The following ASIC2 variants were observed in gnomAD, a reference collection of about 807,000 sequenced individuals.
ASIC2 encodes acid sensing ion channel subunit 2.
A neutral mutation model predicts 57.3 loss-of-function variants in ASIC2; 25 were observed. The ratio of observed to expected loss-of-function variants is 0.44; its 90% confidence interval spans 0.32 to 0.61. ASIC2 has a LOEUF of 0.61. Ranked by LOEUF, ASIC2 falls within the 20% of genes least tolerant of loss-of-function variation. ASIC2 has a pLI of 0.06. For missense variants in ASIC2, 641 were observed against 738.1 expected (o/e 0.87, Z 1.52); for synonymous variants, 319 against 307.5 (o/e 1.04, Z -0.39).
intron 1 of ASIC2, among the ~76,000 whole-genome samples, chr17:33,117,360 G>C (rs1015260195): frequency 2.0e-5 from 3 of 151,706 alleles, no homozygotes; most frequent in African/African-American, 7.3e-5. Flanking sequence ...ATTTTTAGTA[G>C]AGACAAGGTT....
chr17:33,546,923 G>C (rs1201245424), intron 1 of ASIC2, among the ~76,000 whole-genome samples: 6 of 152,122 alleles, frequency 3.9e-5, no homozygotes, highest in African/African-American at 1.4e-4. Context: ...TGGGGTCAAG[G>C]CTTTTAATTT....
At chr17:33,175,939 T>C (rs1905737997) in intron 1 of ASIC2, among the ~76,000 whole-genome samples, 1 of 152,196 alleles carries the variant, frequency 6.6e-6, no homozygotes, top group Admixed American at 6.5e-5. Flanking sequence ...AAGCCTAATC[T>C]GGACATCCCT....
At chr17:33,368,314 T>G (rs1479766458) in intron 1 of ASIC2, among the ~76,000 whole-genome samples, 1 of 152,218 alleles carries the variant, frequency 6.6e-6, no homozygotes, top group Non-Finnish European at 1.5e-5. Context: ...AGAGGCCACA[T>G]GGAGACAGAA....
intron 1 of ASIC2, among the ~76,000 whole-genome samples, chr17:34,122,672 A>G (rs1911660383): frequency 6.6e-6 from 1 of 152,218 alleles, no homozygotes; most frequent in African/African-American, 2.4e-5. Context: ...CTGTATCCCA[A>G]GCTTTGTTTA....
chr17:33,243,309 T>C (rs1007268697), intron 1 of ASIC2, among the ~76,000 whole-genome samples: 1 of 152,170 alleles, frequency 6.6e-6, no homozygotes, highest in African/African-American at 2.4e-5. Flanking sequence ...TGAAAATAGA[T>C]TGAAGTAAAC....
In ASIC2 at chr17:34,025,031, A is replaced by G. The variant is rs139515750; in HGVS notation, c.555+130947T>C. Among the ~76,000 whole-genome samples, 510 of 152,338 alleles carry G rather than the reference A, an allele frequency of 3.3e-3. 1 individual carries two copies. The highest frequency in any genetic ancestry group is 0.011 in the African/African-American group (477 of 41,588). ...GGCCTCTTGGAGGCCCCCAGTGGAC[A>G]GCACTTTGTTGTCACTACAGAAGTC... On this transcript the variant is annotated intron_variant, in intron 1 of 9. Coordinates refer to the ASIC2 transcript ENST00000359872.
chr17:33,162,259 A>G (rs1019413), intron 1 of ASIC2, among the ~76,000 whole-genome samples: 39,460 of 152,030 alleles, frequency 0.26, 5,262 homozygotes, highest in East Asian at 0.4. Context: ...ATTAGGCACA[A>G]CTGAGAAGCA....
chr17:33,112,221 G>A (rs1597583475), intron 1 of ASIC2, 154 bp from the exon 2 acceptor site: 1 of 1,021,892 alleles, frequency 9.8e-7, no homozygotes, highest in East Asian at 2.8e-5. Context: ...TTTCATCCTG[G>A]CTGTGGGCCT....
At chr17:33,901,887 G>T (rs1915239159) in intron 1 of ASIC2, among the ~76,000 whole-genome samples, 1 of 152,172 alleles carries the variant, frequency 6.6e-6, no homozygotes, top group Non-Finnish European at 1.5e-5. Context: ...ATCATTTAAT[G>T]ACAATGATAT....
chr17:34,000,160 T>G lies in ASIC2; in HGVS notation c.555+155818A>C, dbSNP rs530455844. Among the ~76,000 whole-genome samples the G allele has an allele frequency of 2.6e-5, 4 of 152,036 alleles. No homozygotes were observed. The South Asian group carries it at 6.2e-4, about 24-fold the overall frequency. On this transcript the variant is annotated intron_variant, in intron 1 of 9. Coordinates refer to the ASIC2 transcript ENST00000359872. ...ATACACTTCTGGAGGTTCCCTTGCA[T>G]GTGACAAGTTGCTTTTCTCTTGATG...
intron 1 of ASIC2, among the ~76,000 whole-genome samples, chr17:34,123,326 C>A (rs1464153149): frequency 5.3e-5 from 8 of 152,154 alleles, no homozygotes; most frequent in Non-Finnish European, 8.8e-5. Context: ...CACAGGAACC[C>A]GCCCAACCCA....
chr17:33,202,071 G>T (rs148082459), intron 1 of ASIC2, among the ~76,000 whole-genome samples: 5 of 150,990 alleles, frequency 3.3e-5, no homozygotes, highest in African/African-American at 1.2e-4. Flanking sequence ...AAAAGGTGCC[G>T]TCTAACACTA....
chr17:33,867,658 G>A (rs1374186920), intron 1 of ASIC2, among the ~76,000 whole-genome samples: 56 of 152,232 alleles, frequency 3.7e-4, no homozygotes, highest in Non-Finnish European at 8.8e-5. Context: ...TTCTACTGGG[G>A]AGATTTCTCT....
chr17:33,168,057 C>A (rs1905370247), intron 1 of ASIC2, among the ~76,000 whole-genome samples: 1 of 152,214 alleles, frequency 6.6e-6, no homozygotes, highest in Non-Finnish European at 1.5e-5. Context: ...GGAGTGGGCT[C>A]TGGATAAAAT....
chr17:33,292,908 C>A lies in ASIC2; in HGVS notation c.-793G>T, dbSNP rs1198751900. The A allele has an allele frequency of 5.1e-6, 5 of 985,436 alleles. No homozygotes were observed. The African/African-American group carries it at 8.7e-5, about 17-fold the overall frequency. 61.0% of individuals were successfully genotyped at this position (985,436 alleles called of 1,614,324 possible). ...GCTGAGAGCTTCTCAGGGCGTCCTG[C>A]GGGAGGCTGTTCGCCGCCGGGGTCC... On this transcript the variant is annotated 5_prime_UTR_variant, in exon 1 of 10. Coordinates refer to ENST00000225823, the MANE Select transcript of ASIC2 (RefSeq NM_183377.2).
At chr17:33,738,344 C>T (rs1909989701) in intron 1 of ASIC2, among the ~76,000 whole-genome samples, 1 of 152,190 alleles carries the variant, frequency 6.6e-6, no homozygotes, top group African/African-American at 2.4e-5. Flanking sequence ...CATCCTTCCC[C>T]CAGACCTTCA....
chr17:33,854,875 A>G (rs1309555324), intron 1 of ASIC2, among the ~76,000 whole-genome samples: 2 of 152,006 alleles, frequency 1.3e-5, no homozygotes, highest in African/African-American at 2.4e-5. Context: ...ATTAGTGTTT[A>G]AAAAAACACG....
At chr17:33,558,319 T>A (rs997203111) in intron 1 of ASIC2, among the ~76,000 whole-genome samples, 4 of 152,216 alleles carry the variant, frequency 2.6e-5, no homozygotes, top group African/African-American at 9.6e-5. Flanking sequence ...ACATTATGGA[T>A]GATATGGCAT....
At chr17:33,992,206 C>T (rs180678486) in intron 1 of ASIC2, among the ~76,000 whole-genome samples, 4 of 152,298 alleles carry the variant, frequency 2.6e-5, no homozygotes, top group Admixed American at 6.5e-5. Context: ...GCTGATCTAA[C>T]GCTGCATAGA....
Sources: gnomAD v4.1 joint callset for allele counts (sites outside exome capture counted in the v4.1 genomes callset) on GRCh38, gnomAD v4.1.1 for gene constraint, MANE v1.5 for transcripts, NCBI Gene and HGNC (gene_info 2026-07-23, HGNC 2026-07-21) for gene names.